The following PPARGC1A variants were observed in gnomAD, a reference collection of about 807,000 sequenced individuals.
PPARGC1A encodes the protein peroxisome proliferator-activated receptor gamma coactivator 1-alpha.
In PPARGC1A, 25 loss-of-function variants were observed where a neutral mutation model predicts 88.7. The observed-to-expected ratio is 0.28, with a 90% CI of 0.21 to 0.39. The LOEUF (loss-of-function observed/expected upper bound fraction) is 0.39. PPARGC1A is among the 10% of genes least tolerant of loss of function. PPARGC1A has a pLI of 1.00. For synonymous variants in PPARGC1A, 363 were observed against 355.6 expected (o/e 1.02, Z -0.24); for missense variants, 880 against 968.7 (o/e 0.91, Z 1.22).
At chr4:24,394,252 G>A in the PPARGC1A span, among the ~76,000 whole-genome samples, 2 of 152,128 alleles carry the variant, frequency 1.3e-5, no homozygotes, top group Non-Finnish European at 2.9e-5. Flanking sequence ...GTTTACTCAC[G>A]GCCATGTTAG....
the PPARGC1A span, among the ~76,000 whole-genome samples, chr4:24,436,167 G>A: frequency 6.6e-6 from 1 of 152,212 alleles, no homozygotes; most frequent in African/African-American, 2.4e-5. Context: ...AAGCCGGTGA[G>A]ATACTGGCCT....
intron 2 of PPARGC1A, among the ~76,000 whole-genome samples, chr4:23,852,223 A>G (rs534801113): frequency 3.4e-4 from 52 of 152,336 alleles, no homozygotes; most frequent in African/African-American, 7.9e-4. Flanking sequence ...CAGTCCAGAC[A>G]TACGTTTCAT....
chr4:24,207,856 A>T, the PPARGC1A span, among the ~76,000 whole-genome samples: 1 of 152,250 alleles, frequency 6.6e-6, no homozygotes, highest in East Asian at 1.9e-4. Context: ...AGAATTCAGG[A>T]AAATACCATG....
At chr4:24,317,554 C>CAAAAAAAAAAAAAAAAAAA in the PPARGC1A span, among the ~76,000 whole-genome samples, 15 of 14,254 alleles carry the variant, frequency 1.1e-3, no homozygotes, top group Non-Finnish European at 2.3e-3. Flanking sequence ...GTTCAGAGGA[C>CAAAAAAAAAAAAAAAAAAA]TAAAAAAAAA....
the PPARGC1A span, among the ~76,000 whole-genome samples, chr4:24,211,675 C>T: frequency 2.6e-5 from 4 of 152,106 alleles, no homozygotes; most frequent in South Asian, 2.1e-4. Flanking sequence ...CACTTATAAA[C>T]GTAGGTCCCT....
intron 12 of PPARGC1A, among the ~76,000 whole-genome samples, chr4:23,797,019 C>T (rs558754466): frequency 2.0e-4 from 30 of 152,102 alleles, no homozygotes; most frequent in South Asian, 8.3e-4. Flanking sequence ...TCCGGCCTGA[C>T]CATCCCATTT....
At chr4:24,028,834 A>G in the PPARGC1A span, among the ~76,000 whole-genome samples, 4 of 152,204 alleles carry the variant, frequency 2.6e-5, no homozygotes, top group Admixed American at 1.3e-4. Context: ...CATCTGAGAA[A>G]GTTATTTTTA....
At chr4:24,096,431 C>A in the PPARGC1A span, among the ~76,000 whole-genome samples, 1 of 152,240 alleles carries the variant, frequency 6.6e-6, no homozygotes, top group Non-Finnish European at 1.5e-5. Flanking sequence ...TGATCTTGGA[C>A]TTCCAGCCTC....
At chr4:24,180,129 T>C in the PPARGC1A span, among the ~76,000 whole-genome samples, 2 of 152,202 alleles carry the variant, frequency 1.3e-5, no homozygotes, top group African/African-American at 4.8e-5. Flanking sequence ...TGAAAAACTT[T>C]TAGTATCATT....
At chr4:23,822,233 G>A (rs1723134257) in intron 7 of PPARGC1A, among the ~76,000 whole-genome samples, 1 of 152,028 alleles carries the variant, frequency 6.6e-6, no homozygotes, top group South Asian at 2.1e-4. Context: ...ATTGTCATCT[G>A]AGCATCCCTT....
the PPARGC1A span, among the ~76,000 whole-genome samples, chr4:24,327,975 C>G: frequency 6.6e-6 from 1 of 152,264 alleles, no homozygotes; most frequent in South Asian, 2.1e-4. Flanking sequence ...TTTCCTTCTC[C>G]TGGCTCAGAA....
the PPARGC1A span, among the ~76,000 whole-genome samples, chr4:24,468,452 A>G: frequency 6.6e-6 from 1 of 152,210 alleles, no homozygotes; most frequent in Admixed American, 6.5e-5. Context: ...CACACTTGCT[A>G]TGATATGTTT....
the PPARGC1A span, among the ~76,000 whole-genome samples, chr4:24,181,033 A>G: frequency 6.6e-6 from 1 of 152,182 alleles, no homozygotes; most frequent in Non-Finnish European, 1.5e-5. Context: ...ACCAGCTTCC[A>G]GTTTTGGGAA....
the PPARGC1A span, among the ~76,000 whole-genome samples, chr4:23,956,583 A>C: frequency 6.6e-6 from 1 of 152,040 alleles, no homozygotes; most frequent in African/African-American, 2.4e-5. Flanking sequence ...CCCCAAGATC[A>C]TTGACAAACC....
intron 2 of PPARGC1A, among the ~76,000 whole-genome samples, chr4:23,849,138 C>T (rs1054647651): frequency 2.6e-5 from 4 of 152,008 alleles, no homozygotes; most frequent in Non-Finnish European, 5.9e-5. Flanking sequence ...AGTGAGACTC[C>T]GTCTCAAAGA....
At chr4:23,802,185 G>A (rs774381376) in intron 11 of PPARGC1A, 39 bp downstream of exon 11, 38 of 1,613,096 alleles carry the variant, frequency 2.4e-5, no homozygotes, top group South Asian at 4.4e-5. Context: ...TTTTACATAC[G>A]TCAGCTTCTA....
the PPARGC1A span, among the ~76,000 whole-genome samples, chr4:24,452,557 C>T: frequency 6.6e-6 from 1 of 152,198 alleles, no homozygotes; most frequent in African/African-American, 2.4e-5. Context: ...GCCACACATT[C>T]ACCACTCTTT....
At chr4:23,990,579 T>C in the PPARGC1A span, among the ~76,000 whole-genome samples, 1 of 152,098 alleles carries the variant, frequency 6.6e-6, no homozygotes, top group Non-Finnish European at 1.5e-5. Context: ...CCAGCCACTC[T>C]GGAGACTGAG....
chr4:23,818,206 CA>C (rs1324337327), intron 7 of PPARGC1A, among the ~76,000 whole-genome samples: 1 of 152,122 alleles, frequency 6.6e-6, no homozygotes, highest in Non-Finnish European at 1.5e-5. Context: ...GTTGACAGTA[CA>C]AGGTATATTC....
Sources: gnomAD v4.1 joint callset for allele counts (sites outside exome capture counted in the v4.1 genomes callset) on GRCh38, gnomAD v4.1.1 for gene constraint, MANE v1.5 for transcripts, NCBI Gene and HGNC (gene_info 2026-07-23, HGNC 2026-07-21) for gene names.